The following ABLIM3 variants were observed in gnomAD, a reference collection of about 807,000 sequenced individuals.
ABLIM3 encodes the protein actin binding LIM protein family member 3, also known as actin-binding LIM protein 3.
A neutral mutation model predicts 109.5 loss-of-function variants in ABLIM3; 61 were observed. The observed-to-expected ratio is 0.56, with a 90% CI of 0.45 to 0.69. The LOEUF is 0.69. Ranked by LOEUF, ABLIM3 falls within the 30% of genes least tolerant of loss-of-function variation. The probability of loss-of-function intolerance (pLI) is 0.00; values close to 1 mark genes in which losing one functional copy is unlikely to be tolerated. For synonymous variants in ABLIM3, 300 were observed against 324.8 expected (o/e 0.92, Z 0.82); for missense variants, 796 against 889.5 (o/e 0.89, Z 1.34).
At chr5:149,244,086 A>G (rs926350761) in intron 15 of ABLIM3, 4 of 152,602 alleles carry the variant, frequency 2.6e-5, no homozygotes, top group Non-Finnish European at 4.4e-5. Flanking sequence ...ATGCAGCCAC[A>G]CACACTTCCC....
chr5:149,235,105 A>T (rs919113611), intron 10 of ABLIM3, among the ~76,000 whole-genome samples: 2 of 152,094 alleles, frequency 1.3e-5, no homozygotes, highest in African/African-American at 4.8e-5. Flanking sequence ...TAGCAGAGGC[A>T]TGTGTCTCCC....
In ABLIM3 at chr5:149,260,169, T is replaced by TG; in HGVS notation, c.*1771dup. On this transcript the variant is annotated 3_prime_UTR_variant, in exon 24 of 24. Transcript: ENST00000309868. The stretch of plus-strand genomic sequence containing the variant: ...AAATTCAGGAAGGATCTTTGTAGAT[T>TG]GGGGGGAGATTCTAAATTGAAGGGG... The TG allele has an allele frequency of 6.5e-6, 1 of 153,206 alleles. No homozygotes were observed. 9.5% of individuals were successfully genotyped at this position (153,206 alleles called of 1,614,324 possible). A position where few individuals can be genotyped will look rare whatever the true frequency, so the allele number is the denominator to read the frequency against.
Position 149,239,846 on chromosome 5 carries a change from TC to T in ABLIM3, c.1167del (p.Thr390ProfsTer26). On this transcript the variant is annotated frameshift_variant, in exon 13 of 24. Coordinates refer to ENST00000309868, the MANE Select transcript of ABLIM3 (RefSeq NM_014945.5). LOFTEE classifies it high-confidence loss of function. Reference sequence around the variant, plus strand: ...CCCCACCTACAGCCGGCAGGGCATGTCCCCCACCTTCTCCCGCTCACCTCAC... The same window carrying T: ...CCCCACCTACAGCCGGCAGGGCATGTCCCCACCTTCTCCCGCTCACCTCAC... ...DSPTYSRQGM[S>X]PTFSRSPHHY... 6.2e-7 allele frequency: 1 copy of T among 1,610,174 alleles called. No individual in the cohort carries two copies. Among genetic ancestry groups the T allele is most frequent in the East Asian group, 2.3e-5 (1 of 44,316 alleles).
chr5:149,147,113 A>G (rs564825146), intron 2 of ABLIM3, among the ~76,000 whole-genome samples: 8 of 139,050 alleles, frequency 5.8e-5, no homozygotes, highest in African/African-American at 1.6e-4. Flanking sequence ...CTCTCTGTGT[A>G]TGTGTGTGTG....
At chr5:149,206,774 T>A (rs181359184) in intron 5 of ABLIM3, among the ~76,000 whole-genome samples, 37 of 152,192 alleles carry the variant, frequency 2.4e-4, no homozygotes, top group African/African-American at 8.4e-4. Context: ...GTGGTCTTGA[T>A]GACAAGCAGG....
At chr5:149,199,787 G>T (rs1219239947) in intron 4 of ABLIM3, among the ~76,000 whole-genome samples, 3 of 152,230 alleles carry the variant, frequency 2.0e-5, no homozygotes, top group African/African-American at 7.2e-5. Context: ...TAATTTAGTT[G>T]GGGAGGCAGA....
At position 149,242,912 on chromosome 5, in the gene ABLIM3, G is replaced by A. The variant is rs1374008495; in HGVS notation, c.1351+374G>A. 2.0e-5 allele frequency among the ~76,000 whole-genome samples: 3 copies of A among 152,254 alleles called. No individual in the cohort carries two copies. In the East Asian group the frequency reaches 5.8e-4, roughly 29 times the overall value. On this transcript the variant is annotated intron_variant, in intron 15 of 23. Transcript: ENST00000309868. ...TAACAGGGGATGCATACAGATTCCT[G>A]GGCCCCACCCCAGGCTTACTGAATT...
chr5:149,161,544 C>T (rs1248134932), intron 2 of ABLIM3, among the ~76,000 whole-genome samples: 1 of 152,190 alleles, frequency 6.6e-6, no homozygotes, highest in Admixed American at 6.5e-5. Flanking sequence ...CTGGCCCACA[C>T]GTTAATTATT....
At chr5:149,172,701 T>G (rs1196448259) in intron 2 of ABLIM3, among the ~76,000 whole-genome samples, 1 of 152,218 alleles carries the variant, frequency 6.6e-6, no homozygotes, top group Non-Finnish European at 1.5e-5. Context: ...CATAATCCCC[T>G]GAGGCCCAGT....
At chr5:149,206,484 CACAAAA>C (rs1758985521) in intron 5 of ABLIM3, among the ~76,000 whole-genome samples, 1 of 152,174 alleles carries the variant, frequency 6.6e-6, no homozygotes, top group South Asian at 2.1e-4. Context: ...TAGGTTTAAC[CACAAAA>C]TATAAACACA....
intron 7 of ABLIM3, among the ~76,000 whole-genome samples, chr5:149,213,084 G>A (rs1031397064): frequency 4.6e-5 from 7 of 152,218 alleles, no homozygotes; most frequent in Admixed American, 1.3e-4. Context: ...CTACACTCCC[G>A]CCTGGACAAC....
At chr5:149,253,995 G>A (rs905520882) in intron 23 of ABLIM3, among the ~76,000 whole-genome samples, 1 of 152,166 alleles carries the variant, frequency 6.6e-6, no homozygotes, top group Non-Finnish European at 1.5e-5. Flanking sequence ...CATGGCAGCA[G>A]GCAAGAGAGC....
chr5:149,225,980 GTGTATATATATATATATATATATATA>G (rs1459674421), intron 8 of ABLIM3, among the ~76,000 whole-genome samples: 2 of 21,918 alleles, frequency 9.1e-5, no homozygotes, highest in Non-Finnish European at 1.6e-4. Flanking sequence ...GTGTGTGTGT[GTGTATATATATATATATATATATATA>G]TATATATATA....
chr5:149,258,353 G>A lies in ABLIM3; in HGVS notation c.2001G>A (p.Arg667=), dbSNP rs1436653757. The A allele has an allele frequency of 1.2e-5, 19 of 1,613,960 alleles. No individual in the cohort carries two copies. The highest frequency in any genetic ancestry group is 1.6e-5 in the Non-Finnish European group (19 of 1,180,026). The change falls in exon 24 of 24, where the codon CGG becomes CGA. Residue 667 remains arginine (R), a synonymous_variant. Coordinates refer to ENST00000309868, the MANE Select transcript of ABLIM3 (RefSeq NM_014945.5). ...VFGMTISEFD[R]LALWKRNELK... is the part of the protein sequence containing the mutation. ...GCATGACCATCTCTGAGTTTGACCG[G>A]CTGGCCCTCTGGAAGAGGAATGAAC...
intron 8 of ABLIM3, among the ~76,000 whole-genome samples, chr5:149,225,580 A>T (rs903855377): frequency 6.6e-6 from 1 of 152,092 alleles, no homozygotes; most frequent in Non-Finnish European, 1.5e-5. Flanking sequence ...TTTTATTTCC[A>T]TAGGTAATTG....
intron 2 of ABLIM3, among the ~76,000 whole-genome samples, chr5:149,179,212 T>C (rs1756243107): frequency 6.6e-6 from 1 of 152,256 alleles, no homozygotes; most frequent in Admixed American, 6.5e-5. Flanking sequence ...CACTTTTTCA[T>C]AGAACTCTAA....
chr5:149,238,578 C>T (rs1261583841), intron 11 of ABLIM3, among the ~76,000 whole-genome samples: 1 of 152,226 alleles, frequency 6.6e-6, no homozygotes, highest in African/African-American at 2.4e-5. Context: ...TTTTGTTTCA[C>T]TCACAAAGTG....
chr5:149,219,586 T>C (rs1462754794), intron 8 of ABLIM3: 1 of 152,112 alleles, frequency 6.6e-6, no homozygotes, highest in African/African-American at 2.4e-5. Flanking sequence ...CCCTCCAGGG[T>C]TCTTTCCACT....
chr5:149,188,573 A>G (rs1012573321), intron 3 of ABLIM3, among the ~76,000 whole-genome samples: 1 of 152,246 alleles, frequency 6.6e-6, no homozygotes, highest in Non-Finnish European at 1.5e-5. Flanking sequence ...TGGCTTGCAG[A>G]TGGCCGCCAT....
Sources: allele counts gnomAD v4.1 joint callset (sites outside exome capture counted in the v4.1 genomes callset), GRCh38; gene constraint gnomAD v4.1.1; transcripts MANE v1.5; gene names NCBI Gene and HGNC (gene_info 2026-07-23, HGNC 2026-07-21).